SCAP: variants seen among roughly 807,000 people sequenced by gnomAD.
The protein encoded by SCAP is SREBF chaperone.
SCAP carries 65 observed loss-of-function variants against 123.6 expected under a neutral mutation model. The observed-to-expected ratio is 0.53, with a 90% confidence interval of 0.43 to 0.65. SCAP has a LOEUF of 0.65. SCAP is among the 30% of genes least tolerant of loss of function. SCAP has a pLI of 0.00. For synonymous variants in SCAP, 740 were observed against 726.3 expected (o/e 1.02, Z -0.30); for missense variants, 1,398 against 1,712.5 (o/e 0.82, Z 3.24).
At chr3:47,444,338 A>G (rs985782699) in intron 1 of SCAP, among the ~76,000 whole-genome samples, 9 of 152,208 alleles carry the variant, frequency 5.9e-5, no homozygotes, top group Admixed American at 2.0e-4. Flanking sequence ...ATGACTCCTC[A>G]TAAGTGTCAA....
At position 47,414,911 on chromosome 3, in the gene SCAP, C is replaced by T. The variant is rs1369907953; in HGVS notation, c.3222G>A (p.Val1074=). ...DTVACHLTHT[V]PCAHQKPITA... The stretch of plus-strand genomic sequence containing the variant: ...TGATGGGTTTTTGGTGTGCACAGGG[C>T]ACTGTGTGGGTCAGGTGACAGGCCA... The change falls in exon 20 of 23, where the codon GTG becomes GTA. Residue 1074 remains valine (V), a synonymous_variant. Coordinates refer to ENST00000265565, the MANE Select transcript of SCAP (RefSeq NM_012235.4). The T allele has an allele frequency of 6.2e-7, 1 of 1,612,808 alleles. No individual in the cohort carries two copies.
chr3:47,428,452 T>A, intron 4 of SCAP, 61 bp downstream of exon 4: 1 of 1,554,594 alleles, frequency 6.4e-7, no homozygotes, highest in African/African-American at 1.4e-5. Context: ...CACTGAGGAC[T>A]GTAACTCTCC....
chr3:47,421,092 G>A, intron 10 of SCAP, 63 bp from the exon 11 acceptor site: 1 of 1,356,380 alleles, frequency 7.4e-7, no homozygotes, highest in Non-Finnish European at 1.1e-6. Context: ...CCCAAGAGGA[G>A]CAGTACCCGG....
chr3:47,430,921 T>C (rs1275450661), intron 3 of SCAP, among the ~76,000 whole-genome samples: 1 of 152,136 alleles, frequency 6.6e-6, no homozygotes, highest in African/African-American at 2.4e-5. Context: ...GGTTACAGCA[T>C]AGGCAAGGGC....
At chr3:47,431,979 T>C (rs1017926777) in intron 3 of SCAP, among the ~76,000 whole-genome samples, 6 of 152,220 alleles carry the variant, frequency 3.9e-5, no homozygotes, top group Admixed American at 2.0e-4. Flanking sequence ...AGAATTATTT[T>C]ATATTTTGGG....
At position 47,428,672 on chromosome 3, in the gene SCAP, T is replaced by C; in HGVS notation, c.253-2A>G. The C allele has an allele frequency of 6.2e-7, 1 of 1,613,428 alleles. No homozygotes were observed. Among genetic ancestry groups the C allele is most frequent in the Non-Finnish European group, 8.5e-7 (1 of 1,179,692 alleles). The stretch of plus-strand genomic sequence containing the variant: ...ATAAGCCACCGGGGCACCCACATAC[T>C]GCAGAAGAAATGAGGGAGGGCAGAA... On this transcript the variant is annotated splice_acceptor_variant, in intron 3 of 22. Transcript: ENST00000265565. LOFTEE classifies it high-confidence loss of function.
chr3:47,446,564 C>T (rs1485156528), intron 1 of SCAP, among the ~76,000 whole-genome samples: 1 of 151,746 alleles, frequency 6.6e-6, no homozygotes, highest in East Asian at 1.9e-4. Context: ...TGAGTATATT[C>T]ATTCTTAGGA....
intron 3 of SCAP, among the ~76,000 whole-genome samples, chr3:47,429,903 G>A (rs1706291245): frequency 6.6e-6 from 1 of 152,194 alleles, no homozygotes; most frequent in East Asian, 1.9e-4. Flanking sequence ...CTGTCTTACT[G>A]ATTCAGGTTT....
At chr3:47,464,587 T>C (rs1054602373) in intron 1 of SCAP, among the ~76,000 whole-genome samples, 1 of 152,080 alleles carries the variant, frequency 6.6e-6, no homozygotes, top group Non-Finnish European at 1.5e-5. Flanking sequence ...CTCAATGAAA[T>C]AGGAATAGAA....
rs997089172 is a variant in SCAP at position 47,417,582 on chromosome 3, G to A, written c.2692C>T (p.Arg898Trp). 5.0e-6 allele frequency: 8 copies of A among 1,594,262 alleles called. No homozygotes were observed. Among genetic ancestry groups the A allele is most frequent in the Middle Eastern group, 1.7e-4 (1 of 6,014 alleles). ...SQPTQPEPRH[R>W]AVCGRSRDSP... ...TCCCGAGAGCGGCCACAGACCGCCCGGTGCCGGGGCTCGGGCTGAGTGGGC... is the reference window on the plus strand; with the variant it reads ...TCCCGAGAGCGGCCACAGACCGCCCAGTGCCGGGGCTCGGGCTGAGTGGGC... Residue 898 changes from arginine to tryptophan, a missense_variant, in exon 17 of 23, where the codon CGG becomes TGG. By Grantham distance (101) the Arg-to-Trp change is moderately radical. This residue lies in a region of SCAP where 828 missense variants were observed against 882.5 expected (regional missense o/e 0.94). Coordinates refer to ENST00000265565, the MANE Select transcript of SCAP (RefSeq NM_012235.4).
At chr3:47,427,929 T>G (rs987163469) in intron 4 of SCAP, among the ~76,000 whole-genome samples, 1 of 152,142 alleles carries the variant, frequency 6.6e-6, no homozygotes, top group South Asian at 2.1e-4. Flanking sequence ...TATAAGAGCA[T>G]GCACAACCCC....
intron 1 of SCAP, among the ~76,000 whole-genome samples, chr3:47,462,663 G>A (rs993127217): frequency 6.8e-6 from 1 of 147,768 alleles, no homozygotes; most frequent in Non-Finnish European, 1.5e-5. Context: ...TGAGGCAGGA[G>A]AATCGCTTGA....
chr3:47,470,818 C>T (rs896792572), intron 1 of SCAP, among the ~76,000 whole-genome samples: 6 of 152,098 alleles, frequency 3.9e-5, no homozygotes, highest in African/African-American at 1.4e-4. Flanking sequence ...GCCGAGATCG[C>T]ACCACTGCAC....
Position 47,420,482 on chromosome 3 carries a change from G to C in SCAP, c.1563+72C>G, listed in dbSNP as rs192968892. Reference sequence around the variant, plus strand: ...ATACCCTTTGCCACTCTAAGGCCAAGTGCAGCACCACAAGGGGCCTGGAGC... The same window carrying C: ...ATACCCTTTGCCACTCTAAGGCCAACTGCAGCACCACAAGGGGCCTGGAGC... On this transcript the variant is annotated intron_variant, in intron 12 of 22. Transcript: ENST00000265565. This position sits in a 1 kb window ranked among gnomAD's most constrained non-coding sequence, Gnocchi z 5.0. 1,819 of 1,375,684 alleles carry C rather than the reference G, an allele frequency of 1.3e-3. 11 individuals carry two copies. The highest frequency in any genetic ancestry group is 1.6e-3 in the Middle Eastern group (6 of 3,846). The allele number at this position is 1,375,684 out of a possible 1,614,324, so 85.2% of individuals were successfully genotyped here.
intron 1 of SCAP, among the ~76,000 whole-genome samples, chr3:47,468,008 T>C (rs969340045): frequency 2.6e-5 from 4 of 152,092 alleles, no homozygotes; most frequent in Non-Finnish European, 5.9e-5. Context: ...CTCAGAATGA[T>C]GGTTTCCAGC....
At position 47,443,111 on chromosome 3, in the gene SCAP, G is replaced by A. The variant is rs1706870303; in HGVS notation, c.-98-20C>T. ...AGGTACCTGGTAAGAAGGGAGAAAA[G>A]CCAGTTAACAAAGAGTACTTGGCTC... On this transcript the variant is annotated intron_variant, in intron 1 of 22. Coordinates refer to ENST00000265565, the MANE Select transcript of SCAP (RefSeq NM_012235.4). 6.6e-7 allele frequency: 1 copy of A among 1,520,734 alleles called. No individual in the cohort carries two copies. Among genetic ancestry groups the A allele is most frequent in the African/African-American group, 1.4e-5 (1 of 72,728 alleles). The allele number at this position is 1,520,734 out of a possible 1,614,324, so 94.2% of individuals were successfully genotyped here.
At chr3:47,462,370 A>G (rs921024591) in intron 1 of SCAP, among the ~76,000 whole-genome samples, 3 of 152,284 alleles carry the variant, frequency 2.0e-5, no homozygotes, top group South Asian at 4.1e-4. Flanking sequence ...CCCATCGGCT[A>G]TCTGTGTAGT....
At chr3:47,442,699 T>C (rs575905837) in intron 2 of SCAP, among the ~76,000 whole-genome samples, 173 bp downstream of exon 2, 1 of 152,300 alleles carries the variant, frequency 6.6e-6, no homozygotes, top group East Asian at 1.9e-4. Flanking sequence ...GACTATTTTA[T>C]TATATTAGCT....
intron 1 of SCAP, among the ~76,000 whole-genome samples, chr3:47,454,143 G>A (rs937675301): frequency 1.3e-5 from 2 of 152,074 alleles, no homozygotes; most frequent in Non-Finnish European, 2.9e-5. Context: ...CGAGGCGGGC[G>A]GATCACAAGG....
Sources: gnomAD v4.1 joint callset for allele counts (sites outside exome capture counted in the v4.1 genomes callset) on GRCh38, gnomAD v4.1.1 for gene constraint, gnomAD v4.1.1 regional missense constraint, Gnocchi (gnomAD v3.1) non-coding constraint, MANE v1.5 for transcripts, NCBI Gene and HGNC (gene_info 2026-07-23, HGNC 2026-07-21) for gene names.